Variants in BICC1 observed in about 807,000 individuals in gnomAD.
BICC1 encodes the protein BicC family RNA binding protein 1, also known as protein bicaudal C homolog 1.
Under a neutral mutation model 111.0 loss-of-function variants are expected in BICC1, and 43 were observed. That is an observed-to-expected ratio of 0.39 (90% confidence interval 0.30 to 0.50). The LOEUF (loss-of-function observed/expected upper bound fraction) is 0.50, where lower values mean the gene tolerates loss of function less well. Ranked by LOEUF, BICC1 falls within the 20% of genes least tolerant of loss-of-function variation. The probability of loss-of-function intolerance (pLI) is 0.88; values close to 1 mark genes in which losing one functional copy is unlikely to be tolerated. For synonymous variants in BICC1, 467 were observed against 434.4 expected (o/e 1.07, Z -0.93); for missense variants, 1,091 against 1,203.2 (o/e 0.91, Z 1.38).
At chr10:58,763,346 A>AT (rs1842370917) in intron 3 of BICC1, among the ~76,000 whole-genome samples, 1 of 152,216 alleles carries the variant, frequency 6.6e-6, no homozygotes, top group African/African-American at 2.4e-5. Context: ...AAGTGATTTT[A>AT]AAACTGTGAG....
intron 3 of BICC1, among the ~76,000 whole-genome samples, chr10:58,729,558 A>C (rs78024336): frequency 0.013 from 1,972 of 152,312 alleles, 38 homozygotes; most frequent in African/African-American, 0.046. Context: ...GCTTTAAAGA[A>C]ATACCTGAGA....
At chr10:58,586,972 C>T (rs1722016005) in intron 1 of BICC1, among the ~76,000 whole-genome samples, 1 of 152,132 alleles carries the variant, frequency 6.6e-6, no homozygotes, top group Admixed American at 6.5e-5. Context: ...GATTAGTTAG[C>T]CTGCTGACAG....
chr10:58,659,681 C>A (rs1255439981), intron 2 of BICC1, among the ~76,000 whole-genome samples: 1 of 152,046 alleles, frequency 6.6e-6, no homozygotes, highest in Non-Finnish European at 1.5e-5. Flanking sequence ...ACCTGTATAA[C>A]AAACCTGCAC....
At chr10:58,685,401 A>G (rs1839686819) in intron 2 of BICC1, among the ~76,000 whole-genome samples, 1 of 152,162 alleles carries the variant, frequency 6.6e-6, no homozygotes, top group Admixed American at 6.5e-5. Context: ...TGCAGAGTTG[A>G]GTTCAATTCC....
chr10:58,789,764 C>G lies in BICC1; in HGVS notation c.878C>G (p.Ala293Gly). The change falls in exon 8 of 21, where the codon GCT becomes GGT. Residue 293 changes from alanine (A) to glycine (G), a missense_variant. Ala to Gly is a moderately conservative substitution (Grantham distance 60). This residue lies in a region of BICC1 where 843 missense variants were observed against 900.8 expected (regional missense o/e 0.94). Transcript: ENST00000373886. ...IPVSTQLDIAAQHHLFMMGRN... is the reference protein window; with the variant it reads ...IPVSTQLDIAGQHHLFMMGRN... ...GTGAGCACACAACTAGATATTGCAG[C>G]TCAACATCATCTCTTTATGATGGGT... 2 of 1,614,148 alleles carry G rather than the reference C, an allele frequency of 1.2e-6. No individual in the cohort carries two copies. The highest frequency in any genetic ancestry group is 1.7e-6 in the Non-Finnish European group (2 of 1,180,012).
At chr10:58,554,576 G>T (rs181203768) in intron 1 of BICC1, among the ~76,000 whole-genome samples, 11 of 152,034 alleles carry the variant, frequency 7.2e-5, no homozygotes, top group African/African-American at 2.4e-4. Flanking sequence ...GTCAGGAGCA[G>T]TGGTTTTGGA....
At chr10:58,822,319 A>G (rs978469827) in intron 20 of BICC1, among the ~76,000 whole-genome samples, 2 of 152,096 alleles carry the variant, frequency 1.3e-5, no homozygotes, top group Non-Finnish European at 2.9e-5. Flanking sequence ...TGAATTCTGT[A>G]AAGATTTTAG....
intron 1 of BICC1, among the ~76,000 whole-genome samples, chr10:58,517,382 T>C (rs1303856999): frequency 2.0e-5 from 3 of 152,196 alleles, no homozygotes; most frequent in Non-Finnish European, 4.4e-5. Context: ...CATCATTGAT[T>C]AACAGTAGGA....
chr10:58,532,551 C>T lies in BICC1; in HGVS notation c.190+19218C>T, dbSNP rs1842708794. 2.0e-5 allele frequency among the ~76,000 whole-genome samples: 3 copies of T among 151,858 alleles called. No homozygotes were observed. In the East Asian group the frequency reaches 5.8e-4, roughly 30 times the overall value. ...ATCAGCTGCTTCCAAATGGATAATT[C>T]ATTTTAAGAAGGGACGAGATGATGA... On this transcript the variant is annotated intron_variant, in intron 1 of 20. Transcript: ENST00000373886.
At chr10:58,681,076 G>C (rs1189822127) in intron 2 of BICC1, among the ~76,000 whole-genome samples, 5 of 152,190 alleles carry the variant, frequency 3.3e-5, no homozygotes, top group African/African-American at 9.7e-5. Flanking sequence ...AAGCCTAGAA[G>C]AAAACCTAGG....
chr10:58,731,530 T>TA (rs369699416), intron 3 of BICC1, among the ~76,000 whole-genome samples: 9 of 152,250 alleles, frequency 5.9e-5, no homozygotes, highest in African/African-American at 1.4e-4. Context: ...ACTGTTATAA[T>TA]AAAAAAATAC....
chr10:58,635,673 A>G (rs767761587), intron 2 of BICC1, among the ~76,000 whole-genome samples: 4 of 152,168 alleles, frequency 2.6e-5, no homozygotes, highest in Non-Finnish European at 4.4e-5. Flanking sequence ...TTTGACATCA[A>G]ATGTTTATTA....
At chr10:58,550,474 TG>T (rs1339230810) in intron 1 of BICC1, among the ~76,000 whole-genome samples, 1 of 152,214 alleles carries the variant, frequency 6.6e-6, no homozygotes, top group Non-Finnish European at 1.5e-5. Context: ...TCATAAATAA[TG>T]TTTTTTTGTA....
intron 1 of BICC1, among the ~76,000 whole-genome samples, chr10:58,522,825 AAAGAG>A (rs1418816376): frequency 6.6e-6 from 1 of 152,056 alleles, no homozygotes; most frequent in Non-Finnish European, 1.5e-5. Flanking sequence ...ATAAAGAAGA[AAAGAG>A]AGAAGAATCA....
chr10:58,647,014 C>G (rs1420733302), intron 2 of BICC1, among the ~76,000 whole-genome samples: 1 of 151,918 alleles, frequency 6.6e-6, no homozygotes, highest in Admixed American at 6.6e-5. Context: ...AAAGAACAGC[C>G]AAATTCTCTC....
intron 1 of BICC1, among the ~76,000 whole-genome samples, chr10:58,593,382 A>G (rs1368389454): frequency 6.6e-6 from 1 of 152,156 alleles, no homozygotes; most frequent in Non-Finnish European, 1.5e-5. Flanking sequence ...CACAGTGTTC[A>G]AGCTCTGCTA....
rs1237099262 is a variant in BICC1 at position 58,803,012 on chromosome 10, G to A, written c.2016-65G>A. On this transcript the variant is annotated intron_variant, in intron 14 of 20. Coordinates refer to ENST00000373886, the MANE Select transcript of BICC1 (RefSeq NM_001080512.3). ...TAAACATGCATAGTAAATGTGGCATGTAGGAAACATTCAGTACATTTGTAT... is the reference window on the plus strand; with the variant it reads ...TAAACATGCATAGTAAATGTGGCATATAGGAAACATTCAGTACATTTGTAT... 2.9e-6 allele frequency: 4 copies of A among 1,400,562 alleles called. No individual in the cohort carries two copies. The East Asian group carries it at 7.5e-5, about 26-fold the overall frequency. 86.8% of individuals were successfully genotyped at this position (1,400,562 alleles called of 1,614,324 possible).
chr10:58,800,625 C>T (rs1269199338), intron 13 of BICC1, among the ~76,000 whole-genome samples: 1 of 152,098 alleles, frequency 6.6e-6, no homozygotes, highest in Non-Finnish European at 1.5e-5. Flanking sequence ...ATATATAGTT[C>T]CCCCAAGTAG....
intron 2 of BICC1, among the ~76,000 whole-genome samples, chr10:58,621,602 C>G (rs1391394399): frequency 6.6e-6 from 1 of 152,106 alleles, no homozygotes; most frequent in South Asian, 2.1e-4. Context: ...TACTTGAGTC[C>G]AGGAATCAAA....
Sources: gnomAD v4.1 joint callset for allele counts (sites outside exome capture counted in the v4.1 genomes callset) on GRCh38, gnomAD v4.1.1 for gene constraint, gnomAD v4.1.1 regional missense constraint, MANE v1.5 for transcripts, NCBI Gene and HGNC (gene_info 2026-07-23, HGNC 2026-07-21) for gene names.